The following ENO4 variants were observed in gnomAD, a reference collection of about 807,000 sequenced individuals.
The protein encoded by ENO4 is enolase 4.
A neutral mutation model predicts 63.2 loss-of-function variants in ENO4; 53 were observed. That is an observed-to-expected ratio of 0.84 (90% CI 0.67 to 1.05). The LOEUF (loss-of-function observed/expected upper bound fraction) is 1.05. Among genes scored for constraint, ENO4 ranks in the 50% least tolerant of loss-of-function variants. The pLI, the probability that ENO4 is intolerant of heterozygous loss-of-function variation, is 0.00. For missense variants in ENO4, 719 were observed against 772.0 expected, an observed-to-expected ratio of 0.93 and a Z score of 0.81; for synonymous variants, 266 against 283.8, an observed-to-expected ratio of 0.94 and a Z score of 0.63.
In ENO4 at chr10:116,871,107, T is replaced by C. The variant is rs766345842; in HGVS notation, c.1048-18T>C. 94 of 1,549,408 alleles carry C rather than the reference T, an allele frequency of 6.1e-5. No homozygotes were observed. The African/African-American group carries it at 1.1e-3, about 19-fold the overall frequency. On this transcript the variant is annotated intron_variant, in intron 8 of 13. Transcript: ENST00000341276. Reference sequence around the variant, plus strand: ...AATGTGCTGTATTGACATGGATCATTGTCTCTTGATCTTGCAGCAGCAGAT... The same window carrying C: ...AATGTGCTGTATTGACATGGATCATCGTCTCTTGATCTTGCAGCAGCAGAT...
intron 8 of ENO4, among the ~76,000 whole-genome samples, chr10:116,868,952 A>G (rs1846616599): frequency 6.6e-6 from 1 of 152,186 alleles, no homozygotes; most frequent in South Asian, 2.1e-4. Context: ...AGGGCTAGGA[A>G]GCATTTATGA....
At chr10:116,850,990 C>A (rs192350427) in intron 1 of ENO4, among the ~76,000 whole-genome samples, 2 of 152,332 alleles carry the variant, frequency 1.3e-5, no homozygotes, top group African/African-American at 4.8e-5. Context: ...TCATTCCATT[C>A]TCTTCCTACT....
intron 9 of ENO4, 86 bp downstream of exon 9, chr10:116,871,378 T>A: frequency 8.3e-7 from 1 of 1,206,166 alleles, no homozygotes; most frequent in East Asian, 2.6e-5. Context: ...CTTATCTGAA[T>A]ATTGTCCAAA....
At chr10:116,899,690 C>T (rs1847663039) in intron 10 of ENO4, among the ~76,000 whole-genome samples, 1 of 152,136 alleles carries the variant, frequency 6.6e-6, no homozygotes, top group Non-Finnish European at 1.5e-5. Flanking sequence ...TTGCCACAGA[C>T]AAAATAGAAG....
chr10:116,879,870 C>T lies in ENO4; in HGVS notation c.1607C>T (p.Ala536Val), dbSNP rs1206872676. 3 of 1,549,590 alleles carry T rather than the reference C, an allele frequency of 1.9e-6. No individual in the cohort carries two copies. The highest frequency in any genetic ancestry group is 2.6e-6 in the Non-Finnish European group (3 of 1,146,642). The change falls in exon 13 of 14, where the codon GCT becomes GTT. Residue 536 changes from alanine (A) to valine (V), a missense_variant and splice_region_variant. Coordinates refer to ENST00000341276, the MANE Select transcript of ENO4 (RefSeq NM_001242699.2). ...AATTAGTTTTTTCCCCCCTTTCAGG[C>T]TGTTGGGCTTGGTGTCCGGTTCATC... ...ESSDDSLVDLAVGLGVRFIKL... is the reference protein window; with the variant it reads ...ESSDDSLVDLVVGLGVRFIKL...
chr10:116,861,052 A>G lies in ENO4; in HGVS notation c.805-7A>G. 1.9e-6 allele frequency: 3 copies of G among 1,547,746 alleles called. No homozygotes were observed. The highest frequency in any genetic ancestry group is 1.4e-5 in the African/African-American group (1 of 73,016). On this transcript the variant is annotated splice_polypyrimidine_tract_variant and splice_region_variant and intron_variant, in intron 5 of 13. Coordinates refer to ENST00000341276, the MANE Select transcript of ENO4 (RefSeq NM_001242699.2). ...TCTCATTTTCCCTCGTTTTCCCCCT[A>G]TTTCAGGAACAGCCAACAACGCTAT...
At chr10:116,861,267 TGATGAAC>T in intron 6 of ENO4, 77 bp downstream of exon 6, 2 of 419,036 alleles carry the variant, frequency 4.8e-6, no homozygotes, top group Non-Finnish European at 7.2e-6. Context: ...ACTCCGTCAT[TGATGAAC>T]TTTTAGTGGG....
downstream of ENO4, chr10:116,886,701 G>A (rs1847175805): frequency 5.0e-6 from 6 of 1,189,006 alleles, no homozygotes; most frequent in Non-Finnish European, 7.0e-6. Context: ...TAGTCTTTGA[G>A]ATGCCAGCCA....
At position 116,874,104 on chromosome 10, in the gene ENO4, G is replaced by A. The variant is rs773817919; in HGVS notation, c.1244G>A (p.Gly415Asp). 6.6e-5 allele frequency: 102 copies of A among 1,548,972 alleles called. No individual in the cohort carries two copies. The highest frequency in any genetic ancestry group is 8.8e-5 in the Non-Finnish European group (101 of 1,145,614). Residue 415 changes from glycine to aspartate, a missense_variant, in exon 10 of 14, where the codon GGC becomes GAC. Physicochemically the swap from Gly to Asp is moderately conservative, Grantham distance 94. Transcript: ENST00000341276. ...AAAGGAAAGTATGAAGTGATCATGG[G>A]CACATACAAAAATGCAGCGGAGATG... ...YNKGKYEVIM[G>D]TYKNAAEMVD...
chr10:116,901,807 G>A, intron 10 of ENO4: 1 of 1,601,088 alleles, frequency 6.2e-7, no homozygotes, highest in Non-Finnish European at 8.5e-7. Flanking sequence ...CAATTTACGG[G>A]GCCCTTCACC....
At chr10:116,911,663 G>T in exon 11 of ENO4, 1 of 1,570,814 alleles carries the variant, frequency 6.4e-7, no homozygotes. Flanking sequence ...CAAATAAACT[G>T]GCCAAAGATG....
chr10:116,867,201 A>G (rs1846570426), intron 7 of ENO4, among the ~76,000 whole-genome samples: 1 of 152,186 alleles, frequency 6.6e-6, no homozygotes, highest in African/African-American at 2.4e-5. Context: ...TTAGTAGATT[A>G]CATCATGCCA....
chr10:116,912,110 T>C (rs1321990152), downstream of ENO4, among the ~76,000 whole-genome samples: 1 of 152,228 alleles, frequency 6.6e-6, no homozygotes, highest in Admixed American at 6.5e-5. Flanking sequence ...TGTTACCTCT[T>C]GATTATTATC....
intron 11 of ENO4, among the ~76,000 whole-genome samples, chr10:116,878,768 A>G (rs1347666229): frequency 7.3e-5 from 8 of 108,876 alleles, no homozygotes; most frequent in Non-Finnish European, 1.1e-4. Context: ...TTTGAGACGG[A>G]GTCTTGCTCT....
chr10:116,882,664 T>G (rs994447468), downstream of ENO4: 2 of 152,208 alleles, frequency 1.3e-5, no homozygotes, highest in African/African-American at 4.8e-5. Flanking sequence ...TCTATAATTT[T>G]TATTAAGCAC....
chr10:116,900,631 C>A, intron 10 of ENO4: 1 of 1,520,852 alleles, frequency 6.6e-7, no homozygotes, highest in South Asian at 1.2e-5. Context: ...GCTTTTGTGT[C>A]TGGATATTGG....
At chr10:116,900,086 T>C (rs1847678213) in intron 10 of ENO4, among the ~76,000 whole-genome samples, 1 of 152,264 alleles carries the variant, frequency 6.6e-6, no homozygotes, top group African/African-American at 2.4e-5. Context: ...AGTCTAATTA[T>C]ACTTAAGAAA....
chr10:116,898,562 A>G (rs1847604749), intron 10 of ENO4, among the ~76,000 whole-genome samples: 3 of 152,134 alleles, frequency 2.0e-5, no homozygotes, highest in African/African-American at 7.2e-5. Flanking sequence ...ATTATAACCA[A>G]TCGGAATTCA....
intron 10 of ENO4, among the ~76,000 whole-genome samples, chr10:116,907,457 G>A (rs1287611477): frequency 6.6e-6 from 1 of 152,154 alleles, no homozygotes; most frequent in Non-Finnish European, 1.5e-5. Flanking sequence ...CTGTACTCCT[G>A]CTGAAACTGA....
Sources: allele counts gnomAD v4.1 joint callset (sites outside exome capture counted in the v4.1 genomes callset), GRCh38; gene constraint gnomAD v4.1.1; transcripts MANE v1.5; gene names NCBI Gene and HGNC (gene_info 2026-07-23, HGNC 2026-07-21).